The following ZBTB40 variants were observed in gnomAD, a reference collection of about 807,000 sequenced individuals.
ZBTB40 encodes the protein zinc finger and BTB domain-containing protein 40.
ZBTB40 carries 60 observed loss-of-function variants against 117.5 expected under a neutral mutation model. The observed-to-expected ratio is 0.51, with a 90% CI of 0.41 to 0.63. The LOEUF is 0.63. Ranked by LOEUF, ZBTB40 falls within the 30% of genes least tolerant of loss-of-function variation. ZBTB40 has a pLI of 0.00. For missense variants in ZBTB40, 1,287 were observed against 1,498.5 expected (o/e 0.86, Z 2.33); for synonymous variants, 525 against 577.1 (o/e 0.91, Z 1.29).
At chr1:22,512,784 G>C in intron 11 of ZBTB40, 140 bp from the exon 12 acceptor site, 2 of 923,570 alleles carry the variant, frequency 2.2e-6, no homozygotes, top group Non-Finnish European at 1.7e-6. Context: ...GTGGGTACCA[G>C]CGTGGCCTGG....
At chr1:22,499,487 A>G (rs182352473) in intron 3 of ZBTB40, among the ~76,000 whole-genome samples, 4 of 152,306 alleles carry the variant, frequency 2.6e-5, no homozygotes, top group Admixed American at 2.6e-4. Flanking sequence ...CATTTTAAAG[A>G]GATTTCAAGT....
chr1:22,481,670 G>A (rs1286399473), intron 1 of ZBTB40, among the ~76,000 whole-genome samples: 2 of 148,692 alleles, frequency 1.3e-5, no homozygotes, highest in African/African-American at 2.5e-5. Context: ...AGTCTATCCC[G>A]AAAATATAAT....
chr1:22,488,061 G>A (rs191239894), intron 1 of ZBTB40, among the ~76,000 whole-genome samples: 32 of 152,180 alleles, frequency 2.1e-4, no homozygotes, highest in Non-Finnish European at 4.3e-4. Context: ...CTGTGCGTCC[G>A]TATCTTTTAA....
intron 16 of ZBTB40, 36 bp from the exon 17 acceptor site, chr1:22,524,182 C>T (rs1639613454): frequency 6.3e-7 from 1 of 1,599,696 alleles, no homozygotes; most frequent in African/African-American, 1.3e-5. Flanking sequence ...GAGAATTTTA[C>T]CCACAGCCCT....
chr1:22,435,989 A>G (rs1435257484), intron 1 of ZBTB40, among the ~76,000 whole-genome samples: 1 of 152,040 alleles, frequency 6.6e-6, no homozygotes, highest in Non-Finnish European at 1.5e-5. Context: ...AGGCAGGAGA[A>G]TCATAACTGA....
At chr1:22,474,670 A>G (rs1641512135) in intron 1 of ZBTB40, among the ~76,000 whole-genome samples, 1 of 152,170 alleles carries the variant, frequency 6.6e-6, no homozygotes, top group South Asian at 2.1e-4. Context: ...GTGAGCTGCT[A>G]AGTAGCCATG....
At chr1:22,430,037 G>C (rs551821008) in intron 1 of ZBTB40, among the ~76,000 whole-genome samples, 2 of 152,156 alleles carry the variant, frequency 1.3e-5, no homozygotes, top group Non-Finnish European at 2.9e-5. Context: ...GTAAGTTTTT[G>C]ATAAAGTTCT....
At chr1:22,472,392 C>T (rs1641433146) in intron 1 of ZBTB40, among the ~76,000 whole-genome samples, 1 of 152,098 alleles carries the variant, frequency 6.6e-6, no homozygotes, top group Non-Finnish European at 1.5e-5. Flanking sequence ...TGCCATGTTG[C>T]CCAGGCTGGT....
intron 1 of ZBTB40, among the ~76,000 whole-genome samples, chr1:22,479,832 CATTTT>C (rs1638238985): frequency 6.6e-6 from 1 of 152,176 alleles, no homozygotes; most frequent in South Asian, 2.1e-4. Context: ...CCTAATCACA[CATTTT>C]TTCTTTAGCT....
chr1:22,512,190 G>T, intron 11 of ZBTB40, 56 bp downstream of exon 11: 1 of 1,594,976 alleles, frequency 6.3e-7, no homozygotes, highest in South Asian at 1.1e-5. Flanking sequence ...TTATAGCTTG[G>T]ATTTCAGGCC....
intron 1 of ZBTB40, among the ~76,000 whole-genome samples, chr1:22,437,281 G>A (rs1031793925): frequency 1.3e-5 from 2 of 152,226 alleles, no homozygotes; most frequent in East Asian, 3.9e-4. Context: ...AACCTGAATT[G>A]TGATTGATGA....
At chr1:22,486,712 CATTTTTTTT>C (rs56976905) in intron 1 of ZBTB40, among the ~76,000 whole-genome samples, 109,450 of 151,890 alleles carry the variant, frequency 0.72, 40,719 homozygotes, top group East Asian at 0.89. Flanking sequence ...TTTGTTCATA[CATTTTTTTT>C]GTTTTGTTTT....
intron 1 of ZBTB40, among the ~76,000 whole-genome samples, chr1:22,431,404 A>G (rs867032079): frequency 3.6e-5 from 5 of 137,856 alleles, no homozygotes; most frequent in African/African-American, 1.4e-4. Context: ...ATATATATAT[A>G]TATATGTATA....
chr1:22,484,671 G>A (rs920394345), intron 1 of ZBTB40, among the ~76,000 whole-genome samples: 5 of 152,176 alleles, frequency 3.3e-5, no homozygotes, highest in Non-Finnish European at 5.9e-5. Context: ...AGGACTTCCA[G>A]TACAGTGTTT....
chr1:22,470,518 G>A (rs535899928), intron 1 of ZBTB40, among the ~76,000 whole-genome samples: 141 of 152,270 alleles, frequency 9.3e-4, no homozygotes, highest in African/African-American at 3.0e-3. Context: ...ATTGGGCTTC[G>A]GCTTCTTGAA....
chr1:22,470,933 T>C (rs558385765), intron 1 of ZBTB40, among the ~76,000 whole-genome samples: 1 of 152,364 alleles, frequency 6.6e-6, no homozygotes, highest in South Asian at 2.1e-4. Flanking sequence ...GAAGAGACTT[T>C]CTGATGTTAT....
At chr1:22,518,997 C>A (rs952807052) in intron 13 of ZBTB40, among the ~76,000 whole-genome samples, 1 of 152,186 alleles carries the variant, frequency 6.6e-6, no homozygotes, top group Admixed American at 6.5e-5. Context: ...CCAGGCCCCC[C>A]TCTCTCTCCC....
In ZBTB40 at chr1:22,428,978, T is replaced by C. The variant is rs1640541148; in HGVS notation, c.-106T>C. Among the ~76,000 whole-genome samples, 3 of 152,204 alleles carry C rather than the reference T, an allele frequency of 2.0e-5. No homozygotes were observed. The East Asian group carries it at 5.8e-4, about 29-fold the overall frequency. On this transcript the variant is annotated 5_prime_UTR_variant, in exon 1 of 9. Coordinates refer to the ZBTB40 transcript ENST00000650433. ...GAAAGGTCAGAGCCATGTGCTGAGG[T>C]TGGGGAAACATCCCGGATGCCAGCC... is the stretch of plus-strand genomic sequence containing the variant.
Position 22,526,227 on chromosome 1 carries a change from C to T in ZBTB40, c.3551C>T (p.Ala1184Val), listed in dbSNP as rs535474213. ...GTGATCCAAACCCCAGAGCCGGTGG[C>T]CCCGACAGAGCAGGTGATCACTTTG... ...AQVIQTPEPV[A>V]PTEQVITLEE... is the part of the protein sequence containing the mutation. Residue 1184 changes from alanine (A) to valine (V), a missense_variant, in exon 18 of 18, where the codon GCC becomes GTC. This residue lies in a region of ZBTB40 where 417 missense variants were observed against 564.1 expected (regional missense o/e 0.74). Transcript: ENST00000375647. The T allele has an allele frequency of 1.2e-5, 19 of 1,614,162 alleles. No individual in the cohort carries two copies. Among genetic ancestry groups the T allele is most frequent in the Non-Finnish European group, 1.4e-5 (17 of 1,180,026 alleles).
Sources: allele counts gnomAD v4.1 joint callset (sites outside exome capture counted in the v4.1 genomes callset), GRCh38; gene constraint gnomAD v4.1.1; regional missense constraint gnomAD v4.1.1; transcripts MANE v1.5; gene names NCBI Gene and HGNC (gene_info 2026-07-23, HGNC 2026-07-21).